The following MAN1A1 variants were observed in gnomAD, a reference collection of about 807,000 sequenced individuals.
MAN1A1 encodes the protein mannosidase alpha class 1A member 1, also known as mannosyl-oligosaccharide 1,2-alpha-mannosidase IA.
In MAN1A1, 29 loss-of-function variants were observed where a neutral mutation model predicts 70.8. The ratio of observed to expected loss-of-function variants is 0.41; its 90% CI spans 0.31 to 0.56. The LOEUF is 0.56. Among genes scored for constraint, MAN1A1 ranks in the 20% least tolerant of loss-of-function variants. The pLI is 0.29. For missense variants in MAN1A1, 747 were observed against 841.3 expected (o/e 0.89, Z 1.39); for synonymous variants, 349 against 330.1 (o/e 1.06, Z -0.62).
chr6:119,312,472 T>A (rs560715711), intron 2 of MAN1A1, among the ~76,000 whole-genome samples: 28 of 152,228 alleles, frequency 1.8e-4, no homozygotes, highest in Non-Finnish European at 2.8e-4. Context: ...CTCCAAACCT[T>A]CACTTATCCA....
chr6:119,292,832 C>A (rs1772079662), intron 4 of MAN1A1, among the ~76,000 whole-genome samples: 1 of 151,990 alleles, frequency 6.6e-6, no homozygotes, highest in African/African-American at 2.4e-5. Context: ...GTCTATCACT[C>A]TGAATGAATT....
At chr6:119,248,088 T>C (rs2114323091) in intron 6 of MAN1A1, among the ~76,000 whole-genome samples, 172 bp downstream of exon 6, 1 of 152,302 alleles carries the variant, frequency 6.6e-6, no homozygotes, top group African/African-American at 2.4e-5. Context: ...TCTGAGGCTA[T>C]GGAACACTGA....
At chr6:119,335,415 C>T (rs1475869647) in intron 2 of MAN1A1, among the ~76,000 whole-genome samples, 2 of 152,168 alleles carry the variant, frequency 1.3e-5, no homozygotes, top group African/African-American at 4.8e-5. Flanking sequence ...AAAGGGAGGA[C>T]AGAAGTGTTT....
At chr6:119,242,126 G>A (rs76934198) in intron 6 of MAN1A1, among the ~76,000 whole-genome samples, 1 of 39,900 alleles carries the variant, frequency 2.5e-5, no homozygotes, top group South Asian at 8.2e-4. Flanking sequence ...ATAACAGACA[G>A]ACAGACAGAC....
chr6:119,339,596 ATTTG>A (rs1208533128), intron 2 of MAN1A1, among the ~76,000 whole-genome samples: 1 of 151,790 alleles, frequency 6.6e-6, no homozygotes, highest in Non-Finnish European at 1.5e-5. Context: ...ACTATGAAGG[ATTTG>A]TTTTTTTTTT....
chr6:119,217,413 C>G (rs1774237050), intron 6 of MAN1A1, among the ~76,000 whole-genome samples: 1 of 152,152 alleles, frequency 6.6e-6, no homozygotes, highest in Non-Finnish European at 1.5e-5. Context: ...TCCTGAGTAG[C>G]TGAGACTACA....
At chr6:119,220,930 CATAAT>C (rs759206732) in intron 6 of MAN1A1, among the ~76,000 whole-genome samples, 5 of 151,938 alleles carry the variant, frequency 3.3e-5, no homozygotes, top group Non-Finnish European at 7.4e-5. Context: ...AAAACTGACT[CATAAT>C]ATACTTTTTT....
At chr6:119,237,094 T>C (rs775368219) in intron 6 of MAN1A1, among the ~76,000 whole-genome samples, 1 of 152,188 alleles carries the variant, frequency 6.6e-6, no homozygotes, top group African/African-American at 2.4e-5. Flanking sequence ...AAAACTTTCA[T>C]GGATGAGGAG....
chr6:119,301,586 C>T (rs567737437), intron 4 of MAN1A1, among the ~76,000 whole-genome samples: 1 of 152,184 alleles, frequency 6.6e-6, no homozygotes, highest in Middle Eastern at 3.2e-3. Context: ...AGCATAAGCA[C>T]TGGAGCCCCA....
At chr6:119,212,518 A>G (rs936498794) in intron 6 of MAN1A1, among the ~76,000 whole-genome samples, 1 of 152,196 alleles carries the variant, frequency 6.6e-6, no homozygotes, top group African/African-American at 2.4e-5. Context: ...TTACCGTGCC[A>G]TCCAAACACC....
At chr6:119,235,749 G>C (rs879369601) in intron 6 of MAN1A1, among the ~76,000 whole-genome samples, 3 of 152,192 alleles carry the variant, frequency 2.0e-5, no homozygotes, top group Non-Finnish European at 2.9e-5. Context: ...TCATTGCCTA[G>C]CTTCAAAGCT....
At chr6:119,239,533 C>A (rs1774947331) in intron 6 of MAN1A1, among the ~76,000 whole-genome samples, 1 of 151,974 alleles carries the variant, frequency 6.6e-6, no homozygotes, top group Non-Finnish European at 1.5e-5. Flanking sequence ...TTATATTGAC[C>A]CTCCAATTCC....
chr6:119,261,060 G>C (rs1775598415), intron 5 of MAN1A1, among the ~76,000 whole-genome samples: 1 of 138,860 alleles, frequency 7.2e-6, no homozygotes, highest in Non-Finnish European at 1.5e-5. Flanking sequence ...CTCACTGCAA[G>C]CTCCGCCTCC....
intron 2 of MAN1A1, among the ~76,000 whole-genome samples, chr6:119,313,937 A>T (rs1400837905): frequency 7.6e-5 from 5 of 65,458 alleles, no homozygotes; most frequent in Admixed American, 1.3e-4. Flanking sequence ...AAGCTATTTA[A>T]AAAAAAAAAA....
At chr6:119,195,557 A>G (rs1447343824) in intron 8 of MAN1A1, among the ~76,000 whole-genome samples, 1 of 152,182 alleles carries the variant, frequency 6.6e-6, no homozygotes, top group Non-Finnish European at 1.5e-5. Context: ...TATCACCTGT[A>G]ATTTCATAAT....
intron 9 of MAN1A1, among the ~76,000 whole-genome samples, chr6:119,191,881 T>A (rs758977517): frequency 1.4e-4 from 21 of 152,220 alleles, no homozygotes; most frequent in Non-Finnish European, 2.9e-4. Context: ...AATAATCTTC[T>A]AAAGTACAAC....
At chr6:119,281,211 G>A (rs756905881) in intron 5 of MAN1A1, among the ~76,000 whole-genome samples, 1 of 152,204 alleles carries the variant, frequency 6.6e-6, no homozygotes, top group African/African-American at 2.4e-5. Flanking sequence ...CTACTTTGGT[G>A]CCACTTTATT....
chr6:119,295,708 A>T (rs1772189336), intron 4 of MAN1A1, among the ~76,000 whole-genome samples: 1 of 152,184 alleles, frequency 6.6e-6, no homozygotes, highest in Non-Finnish European at 1.5e-5. Context: ...CTCTACAATC[A>T]GAGACTACTC....
At chr6:119,315,027 C>T (rs1772812240) in intron 2 of MAN1A1, among the ~76,000 whole-genome samples, 1 of 152,190 alleles carries the variant, frequency 6.6e-6, no homozygotes, top group Non-Finnish European at 1.5e-5. Context: ...TTACTACCAC[C>T]ACGGGAGCTA....
Sources: allele counts gnomAD v4.1 joint callset (sites outside exome capture counted in the v4.1 genomes callset), GRCh38; gene constraint gnomAD v4.1.1; transcripts MANE v1.5; gene names NCBI Gene and HGNC (gene_info 2026-07-23, HGNC 2026-07-21).